Variants in CAPN7 observed in about 807,000 individuals in gnomAD.
The protein encoded by CAPN7 is calpain 7, also known as calpain-7.
A neutral mutation model predicts 115.2 loss-of-function variants in CAPN7; 72 were observed. The observed-to-expected ratio is 0.63, with a 90% CI of 0.52 to 0.76. CAPN7 has a LOEUF of 0.76. Among genes scored for constraint, CAPN7 ranks in the 30% least tolerant of loss-of-function variants. The pLI, the probability that CAPN7 is intolerant of heterozygous loss-of-function variation, is 0.00. For missense variants in CAPN7, 905 were observed against 971.5 expected, an observed-to-expected ratio of 0.93 and a Z score of 0.91; for synonymous variants, 344 against 322.3, an observed-to-expected ratio of 1.07 and a Z score of -0.72.
At position 15,206,313 on chromosome 3, in the gene CAPN7, C is replaced by A; in HGVS notation, c.-183C>A. 1 of 528,670 alleles carries A rather than the reference C, an allele frequency of 1.9e-6. No individual in the cohort carries two copies. The highest frequency in any genetic ancestry group is 3.3e-6 in the Non-Finnish European group (1 of 301,724). 32.7% of individuals were successfully genotyped at this position (528,670 alleles called of 1,614,324 possible). On this transcript the variant is annotated 5_prime_UTR_variant, in exon 1 of 21. Coordinates refer to ENST00000253693, the MANE Select transcript of CAPN7 (RefSeq NM_014296.3). Reference sequence around the variant, plus strand: ...CAAGCCGGGTCTGGGCTGAGGGGCGCGGCTTCGCGGTGGACCCCAGCCCGG... The same window carrying A: ...CAAGCCGGGTCTGGGCTGAGGGGCGAGGCTTCGCGGTGGACCCCAGCCCGG...
intron 1 of CAPN7, among the ~76,000 whole-genome samples, chr3:15,210,115 C>T (rs984348506): frequency 6.6e-6 from 1 of 152,074 alleles, no homozygotes; most frequent in Non-Finnish European, 1.5e-5. Context: ...ATCTTCCAGC[C>T]TCAGCCTCCT....
At chr3:15,208,349 CTAA>C (rs1489945550) in intron 1 of CAPN7, among the ~76,000 whole-genome samples, 1 of 151,260 alleles carries the variant, frequency 6.6e-6, no homozygotes, top group Non-Finnish European at 1.5e-5. Context: ...CCGTGGCCCA[CTAA>C]TAATAGCTCA....
chr3:15,245,938 ATTTC>A (rs1695633606), intron 17 of CAPN7: 1 of 274,068 alleles, frequency 3.6e-6, no homozygotes, highest in Admixed American at 5.3e-5. Flanking sequence ...CTAATAATAC[ATTTC>A]TTTTTTTCTT....
chr3:15,239,652 AAG>A lies in CAPN7; in HGVS notation c.1408-819_1408-818del, dbSNP rs1252591185. Among the ~76,000 whole-genome samples, 9 of 152,348 alleles carry A rather than the reference AAG, an allele frequency of 5.9e-5. 1 individual carries two copies. The East Asian group carries it at 1.7e-3, about 29-fold the overall frequency. ...TGGAGAATTCAAAGTAATTAAAAGAAAGAAATTACTAAATGCTAGATACTTTA... is the reference window on the plus strand; with the variant it reads ...TGGAGAATTCAAAGTAATTAAAAGAAAAATTACTAAATGCTAGATACTTTA... On this transcript the variant is annotated intron_variant, in intron 12 of 20. Coordinates refer to ENST00000253693, the MANE Select transcript of CAPN7 (RefSeq NM_014296.3).
intron 11 of CAPN7, 54 bp from the exon 12 acceptor site, chr3:15,234,971 C>G: frequency 6.5e-7 from 1 of 1,528,750 alleles, no homozygotes. Flanking sequence ...ATGGTGTGAT[C>G]TTAGATTACA....
intron 6 of CAPN7, among the ~76,000 whole-genome samples, chr3:15,225,681 T>G (rs1240501413): frequency 6.6e-6 from 1 of 152,240 alleles, no homozygotes; most frequent in African/African-American, 2.4e-5. Context: ...TGTCTGCTAC[T>G]CTAGCATATA....
At position 15,206,506 on chromosome 3, in the gene CAPN7, C is replaced by A; in HGVS notation, c.11C>A (p.Thr4Lys). 1 of 1,550,460 alleles carries A rather than the reference C, an allele frequency of 6.4e-7. No homozygotes were observed. Among genetic ancestry groups the A allele is most frequent in the East Asian group, 2.4e-5 (1 of 40,874 alleles). ...CGGGGCCACTGCGCCATGGACGCCA[C>A]AGCACTGGAGCGGGACGCTGTGCAG... is the stretch of plus-strand genomic sequence containing the variant. MDA[T>K]ALERDAVQFA... is the part of the protein sequence containing the mutation. The change falls in exon 1 of 21, where the codon ACA becomes AAA. Residue 4 changes from threonine (T) to lysine (K), a missense_variant. Thr to Lys is a moderately conservative substitution (Grantham distance 78). Around this residue, in one of 3 missense-constraint regions of CAPN7, gnomAD observed 271 missense variants for 239.6 expected, o/e 1.13. Coordinates refer to ENST00000253693, the MANE Select transcript of CAPN7 (RefSeq NM_014296.3).
intron 19 of CAPN7, 125 bp from the exon 20 acceptor site, chr3:15,250,806 G>T (rs1018574007): frequency 1.5e-6 from 1 of 653,160 alleles, no homozygotes; most frequent in Non-Finnish European, 2.6e-6. Context: ...AATAGAGTGT[G>T]TATGTTTCTA....
At chr3:15,238,209 GT>G (rs910490661) in intron 12 of CAPN7, among the ~76,000 whole-genome samples, 5 of 145,590 alleles carry the variant, frequency 3.4e-5, no homozygotes, top group African/African-American at 1.3e-4. Flanking sequence ...CGCCTCCCAG[GT>G]TCATGCCATT....
chr3:15,224,411 C>T (rs112251506), intron 6 of CAPN7, among the ~76,000 whole-genome samples: 9,939 of 151,612 alleles, frequency 0.066, 1,090 homozygotes, highest in African/African-American at 0.22. Flanking sequence ...TAGCTGGGAC[C>T]GCAGGCATGC....
intron 9 of CAPN7, chr3:15,232,268 T>C (rs1352780351): frequency 8.2e-6 from 3 of 364,162 alleles, no homozygotes; most frequent in Non-Finnish European, 1.0e-5. Context: ...ATTTCAGTGA[T>C]AGTTACATGA....
chr3:15,227,936 T>C lies in CAPN7; in HGVS notation c.823T>C (p.Tyr275His), dbSNP rs765884457. The C allele has an allele frequency of 4.0e-6, 6 of 1,494,746 alleles. No individual in the cohort carries two copies. Among genetic ancestry groups the C allele is most frequent in the Middle Eastern group, 3.5e-4 (2 of 5,672 alleles). 92.6% of individuals were successfully genotyped at this position (1,494,746 alleles called of 1,614,324 possible). The change falls in exon 7 of 21, where the codon TAT (tyrosine) becomes CAT (histidine). Residue 275 changes from tyrosine (Y) to histidine (H), a missense_variant. Coordinates refer to ENST00000253693, the MANE Select transcript of CAPN7 (RefSeq NM_014296.3). ...CCTCACCAACAATCCTACAATGATA[T>C]ATACTGTGTCCAGTTTTAGCATAAA... The part of the protein sequence containing the change: ...EDLTNNPTMI[Y>H]TVSSFSIKQT...
rs1329056911 is a variant in CAPN7, at chr3:15,252,107, A to G, written c.*847A>G. On this transcript the variant is annotated 3_prime_UTR_variant, in exon 21 of 21. Transcript: ENST00000253693. ...TGGTGATTGGGATATGTAGCATTCA[A>G]AAAAAGTGAATTGCCAAGATACTGG... 1.3e-5 allele frequency: 2 copies of G among 152,750 alleles called. No homozygotes were observed. Among genetic ancestry groups the G allele is most frequent in the East Asian group, 1.9e-4 (1 of 5,192 alleles). 9.5% of individuals were successfully genotyped at this position (152,750 alleles called of 1,614,324 possible). A position where few individuals can be genotyped will look rare whatever the true frequency, so the allele number is the denominator to read the frequency against.
chr3:15,217,904 C>T lies in CAPN7; in HGVS notation c.369+322C>T, dbSNP rs529766734. Reference sequence around the variant, plus strand: ...AATAAACTTCCCCTTTTTTCAGTTTCGTGCACTAAAAAATAAGCTAGTGGT... The same window carrying T: ...AATAAACTTCCCCTTTTTTCAGTTTTGTGCACTAAAAAATAAGCTAGTGGT... On this transcript the variant is annotated intron_variant, in intron 3 of 20. Transcript: ENST00000253693. Among the ~76,000 whole-genome samples, 52 of 151,778 alleles carry T rather than the reference C, an allele frequency of 3.4e-4. No individual in the cohort carries two copies. In the South Asian group the frequency reaches 9.9e-3, roughly 29 times the overall value.
rs79290063 is a variant in CAPN7 at position 15,230,376 on chromosome 3, G to A, written c.939-66G>A. 1,542 of 1,018,526 alleles carry A rather than the reference G, an allele frequency of 1.5e-3. 16 individuals are homozygous for A. The East Asian group carries it at 0.033, about 22-fold the overall frequency. 63.1% of individuals were successfully genotyped at this position (1,018,526 alleles called of 1,614,324 possible). A position where few individuals can be genotyped will look rare whatever the true frequency, so the allele number is the denominator to read the frequency against. On this transcript the variant is annotated intron_variant, in intron 8 of 20. Coordinates refer to ENST00000253693, the MANE Select transcript of CAPN7 (RefSeq NM_014296.3). Reference sequence around the variant, plus strand: ...ACGGTAGTATATACCTGAATGAAATGTGCTGTATAGTAGTTGATATTGAAT... The same window carrying A: ...ACGGTAGTATATACCTGAATGAAATATGCTGTATAGTAGTTGATATTGAAT...
intron 3 of CAPN7, 148 bp from the exon 4 acceptor site, chr3:15,218,325 C>A (rs1047906233): frequency 1.4e-5 from 9 of 628,610 alleles, no homozygotes; most frequent in Non-Finnish European, 2.5e-5. Flanking sequence ...TAAATGATAC[C>A]TTTAAGGATG....
At position 15,230,432 on chromosome 3, in the gene CAPN7, C is replaced by CT. The variant is rs1559399568; in HGVS notation, c.939-8dup. 6.4e-7 allele frequency: 1 copy of CT among 1,568,250 alleles called. No homozygotes were observed. On this transcript the variant is annotated splice_polypyrimidine_tract_variant and intron_variant, in intron 8 of 20. Coordinates refer to ENST00000253693, the MANE Select transcript of CAPN7 (RefSeq NM_014296.3). ...TGTTGGTATTTTAATATTTATTTTT[C>CT]TTACAAAAGCATAATTTACCCTCAA...
At chr3:15,209,770 A>T (rs549310634) in intron 1 of CAPN7, among the ~76,000 whole-genome samples, 4 of 152,246 alleles carry the variant, frequency 2.6e-5, no homozygotes, top group African/African-American at 9.6e-5. Flanking sequence ...AGAAACTGCT[A>T]TGCACTGCCC....
chr3:15,237,799 A>T (rs1695082041), intron 12 of CAPN7, among the ~76,000 whole-genome samples: 1 of 151,932 alleles, frequency 6.6e-6, no homozygotes, highest in African/African-American at 2.4e-5. Context: ...GCAAGACCCC[A>T]TCTCTACAAT....
Sources: allele counts gnomAD v4.1 joint callset (sites outside exome capture counted in the v4.1 genomes callset), GRCh38; gene constraint gnomAD v4.1.1; regional missense constraint gnomAD v4.1.1; transcripts MANE v1.5; gene names NCBI Gene and HGNC (gene_info 2026-07-23, HGNC 2026-07-21).